GRIK1: variants seen among roughly 807,000 people sequenced by gnomAD.
GRIK1 encodes the protein glutamate receptor ionotropic, kainate 1.
A neutral mutation model predicts 105.7 loss-of-function variants in GRIK1; 69 were observed. That is an observed-to-expected ratio of 0.65 (90% confidence interval 0.54 to 0.80). The LOEUF (loss-of-function observed/expected upper bound fraction) is 0.80, where lower values mean the gene tolerates loss of function less well. Ranked by LOEUF, GRIK1 falls within the 30% of genes least tolerant of loss-of-function variation. The pLI is 0.00. For missense variants in GRIK1, 1,109 were observed against 1,167.3 expected, an observed-to-expected ratio of 0.95 and a Z score of 0.73; for synonymous variants, 438 against 431.3, an observed-to-expected ratio of 1.02 and a Z score of -0.19.
At chr21:29,596,141 C>A in intron 9 of GRIK1, 1 of 350,200 alleles carries the variant, frequency 2.9e-6, no homozygotes, top group Non-Finnish European at 5.5e-6. Context: ...TCTCATGGAT[C>A]AAATCTATTG....
intron 1 of GRIK1, among the ~76,000 whole-genome samples, chr21:29,901,143 G>A (rs911770969): frequency 2.6e-5 from 4 of 152,208 alleles, no homozygotes; most frequent in Non-Finnish European, 5.9e-5. Context: ...AAAGCAGTGT[G>A]TAGAGGGAAA....
chr21:29,537,598 T>C, intron 17 of GRIK1, 200 bp downstream of exon 17: 3 of 677,576 alleles, frequency 4.4e-6, no homozygotes, highest in Non-Finnish European at 7.9e-6. Flanking sequence ...GGGCAAACTT[T>C]GGGATTTCAT....
At chr21:29,588,551 G>A (rs2061281066) in intron 11 of GRIK1, among the ~76,000 whole-genome samples, 1 of 152,158 alleles carries the variant, frequency 6.6e-6, no homozygotes, top group South Asian at 2.1e-4. Context: ...GGCCTCTCCA[G>A]CCATGAGGAA....
At chr21:29,884,783 A>T (rs2069549086) in intron 1 of GRIK1, among the ~76,000 whole-genome samples, 1 of 152,060 alleles carries the variant, frequency 6.6e-6, no homozygotes, top group African/African-American at 2.4e-5. Flanking sequence ...AACTGACACT[A>T]AACCTCTTAA....
chr21:29,573,853 GAA>G lies in GRIK1; in HGVS notation c.2130+3109_2130+3110del, dbSNP rs35503363. ...GGGCGACAGAGCAAGACTCCGTCTG[GAA>G]AAAAAAAAAAAAAAAAAGTGACACT... On this transcript the variant is annotated intron_variant, in intron 14 of 17. Coordinates refer to ENST00000327783, the MANE Select transcript of GRIK1 (RefSeq NM_001330994.2). 4.1e-4 allele frequency among the ~76,000 whole-genome samples: 47 copies of G among 114,068 alleles called. 1 individual carries two copies. Among genetic ancestry groups the G allele is most frequent in the African/African-American group, 1.1e-3 (36 of 32,336 alleles). 74.8% of individuals were successfully genotyped at this position (114,068 alleles called of 152,430 possible). A position where few individuals can be genotyped will look rare whatever the true frequency, so the allele number is the denominator to read the frequency against.
chr21:29,605,449 C>A (rs2061594189), intron 7 of GRIK1, among the ~76,000 whole-genome samples: 1 of 152,066 alleles, frequency 6.6e-6, no homozygotes, highest in Admixed American at 6.6e-5. Flanking sequence ...ACCACATTTT[C>A]TTTTTTCAGT....
rs144918094 is a variant in GRIK1, at chr21:29,537,171, C to T, written c.*59G>A. ...ACACATCACACACTCCTCAGAAATC[C>T]TTTCTCCAAAAATCTGTAGGGAATG... On this transcript the variant is annotated 3_prime_UTR_variant, in exon 18 of 18. Transcript: ENST00000327783. The T allele has an allele frequency of 2.4e-6, 3 of 1,272,492 alleles. 1 individual carries two copies. Among genetic ancestry groups the T allele is most frequent in the South Asian group, 3.1e-5 (2 of 64,596 alleles). The allele number at this position is 1,272,492 out of a possible 1,614,324, so 78.8% of individuals were successfully genotyped here. A position where few individuals can be genotyped will look rare whatever the true frequency, so the allele number is the denominator to read the frequency against.
intron 1 of GRIK1, among the ~76,000 whole-genome samples, chr21:29,724,352 C>A (rs866631711): frequency 1.2e-4 from 5 of 43,414 alleles, no homozygotes; most frequent in Non-Finnish European, 6.9e-4. Flanking sequence ...GTCTGAGATA[C>A]GATTGTTGGG....
chr21:29,655,421 A>AT (rs1601384265), intron 4 of GRIK1, among the ~76,000 whole-genome samples: 1 of 152,178 alleles, frequency 6.6e-6, no homozygotes, highest in East Asian at 1.9e-4. Flanking sequence ...AAAAAAAAAA[A>AT]TAGTTTGTAC....
At chr21:29,581,953 T>C (rs2146259965) in intron 12 of GRIK1, among the ~76,000 whole-genome samples, 1 of 152,288 alleles carries the variant, frequency 6.6e-6, no homozygotes, top group Middle Eastern at 3.4e-3. Context: ...CAAGATATTG[T>C]GTCGTTAGGT....
chr21:29,635,775 A>G (rs1051762734), intron 7 of GRIK1, among the ~76,000 whole-genome samples: 2 of 152,160 alleles, frequency 1.3e-5, no homozygotes, highest in Admixed American at 1.3e-4. Flanking sequence ...GTTATAGTCA[A>G]TGGGACTGTC....
intron 6 of GRIK1, among the ~76,000 whole-genome samples, 184 bp downstream of exon 6, chr21:29,650,934 A>G (rs141670388): frequency 1.3e-5 from 2 of 152,360 alleles, no homozygotes; most frequent in East Asian, 3.9e-4. Flanking sequence ...AGCTAAAAGT[A>G]GCAGTTTTTG....
At chr21:29,922,741 T>C (rs1407360408) in intron 1 of GRIK1, among the ~76,000 whole-genome samples, 5 of 152,204 alleles carry the variant, frequency 3.3e-5, no homozygotes, top group Non-Finnish European at 7.4e-5. Context: ...CTTTTGCTGT[T>C]GTATTCCTCG....
intron 1 of GRIK1, among the ~76,000 whole-genome samples, chr21:29,937,258 G>A (rs550297350): frequency 5.3e-5 from 8 of 152,264 alleles, no homozygotes; most frequent in East Asian, 1.9e-4. Flanking sequence ...ATTTAAAAGC[G>A]TGCATTGGTC....
intron 1 of GRIK1, among the ~76,000 whole-genome samples, chr21:29,826,646 C>CAT (rs2067465354): frequency 6.6e-6 from 1 of 151,598 alleles, no homozygotes; most frequent in African/African-American, 2.4e-5. Flanking sequence ...TTTTACATAG[C>CAT]ATGTGTGTGT....
rs183508520 is a variant in GRIK1 at position 29,707,234 on chromosome 21, T to C, written c.119-13171A>G. 4.7e-3 allele frequency among the ~76,000 whole-genome samples: 715 copies of C among 152,264 alleles called. 7 individuals are homozygous for C. Among genetic ancestry groups the C allele is most frequent in the African/African-American group, 0.017 (688 of 41,542 alleles). ...CATTTTTTATTCTAAATAATTTTAT[T>C]TTAAAAGCACACATACAACTATAAA... On this transcript the variant is annotated intron_variant, in intron 1 of 17. Coordinates refer to ENST00000327783, the MANE Select transcript of GRIK1 (RefSeq NM_001330994.2).
At chr21:29,886,485 C>T (rs1478982810) in intron 1 of GRIK1, among the ~76,000 whole-genome samples, 3 of 152,122 alleles carry the variant, frequency 2.0e-5, no homozygotes, top group Admixed American at 6.6e-5. Context: ...CATTCCAACA[C>T]ACTTATTATA....
chr21:29,795,622 A>T (rs2066534253), intron 1 of GRIK1, among the ~76,000 whole-genome samples: 1 of 152,196 alleles, frequency 6.6e-6, no homozygotes, highest in African/African-American at 2.4e-5. Context: ...AGTTTCTCAG[A>T]TGCTAATAAT....
At chr21:29,740,378 CAACT>C (rs1257617392) in intron 1 of GRIK1, among the ~76,000 whole-genome samples, 1 of 152,086 alleles carries the variant, frequency 6.6e-6, no homozygotes, top group Non-Finnish European at 1.5e-5. Flanking sequence ...CCACCACACC[CAACT>C]AATTTTTGTA....
Sources: allele counts gnomAD v4.1 joint callset (sites outside exome capture counted in the v4.1 genomes callset), GRCh38; gene constraint gnomAD v4.1.1; transcripts MANE v1.5; gene names NCBI Gene and HGNC (gene_info 2026-07-23, HGNC 2026-07-21).